MYO1D: variants seen among roughly 807,000 people sequenced by gnomAD.
MYO1D encodes myosin ID, also known as unconventional myosin-Id.
In MYO1D, 83 loss-of-function variants were observed where a neutral mutation model predicts 122.0. That is an observed-to-expected ratio of 0.68 (90% CI 0.57 to 0.82). The LOEUF is 0.82. Among genes scored for constraint, MYO1D ranks in the 40% least tolerant of loss-of-function variants. The probability of loss-of-function intolerance (pLI) is 0.00; values close to 1 mark genes in which losing one functional copy is unlikely to be tolerated. For missense variants in MYO1D, 1,157 were observed against 1,269.5 expected (o/e 0.91, Z 1.35); for synonymous variants, 464 against 446.9 (o/e 1.04, Z -0.48).
At chr17:32,532,409 T>C (rs1910532138) in intron 21 of MYO1D, among the ~76,000 whole-genome samples, 1 of 151,576 alleles carries the variant, frequency 6.6e-6, no homozygotes, top group Non-Finnish European at 1.5e-5. Context: ...TTAAAAGAGG[T>C]GCCCTTAGTC....
intron 1 of MYO1D, among the ~76,000 whole-genome samples, chr17:32,835,154 T>C (rs2090810366): frequency 6.6e-6 from 1 of 151,988 alleles, no homozygotes; most frequent in South Asian, 2.1e-4. Context: ...TGGTTTTGCT[T>C]TCTTTTGGGG....
chr17:32,764,184 T>G (rs140538484), intron 8 of MYO1D, among the ~76,000 whole-genome samples: 1 of 152,088 alleles, frequency 6.6e-6, no homozygotes, highest in Admixed American at 6.5e-5. Context: ...AAGACAAATA[T>G]TGTGTGATCT....
intron 20 of MYO1D, chr17:32,632,407 C>T (rs987752563): frequency 3.9e-5 from 6 of 152,012 alleles, no homozygotes; most frequent in Non-Finnish European, 8.8e-5. Context: ...TAGGCATATC[C>T]AAAGCTTTGG....
intron 16 of MYO1D, 82 bp from the exon 17 acceptor site, chr17:32,659,420 C>T: frequency 1.4e-6 from 2 of 1,402,232 alleles, no homozygotes; most frequent in Non-Finnish European, 2.0e-6. Flanking sequence ...AGCTCCTCTA[C>T]TTACAAACTC....
At chr17:32,851,676 G>A (rs1004974704) in intron 1 of MYO1D, among the ~76,000 whole-genome samples, 3 of 152,198 alleles carry the variant, frequency 2.0e-5, no homozygotes, top group Non-Finnish European at 4.4e-5. Context: ...ATGGACCCAG[G>A]GGGGTGGTTT....
At chr17:32,509,651 C>T (rs115053707) in intron 21 of MYO1D, among the ~76,000 whole-genome samples, 1,788 of 151,560 alleles carry the variant, frequency 0.012, 37 homozygotes, top group African/African-American at 0.04. Flanking sequence ...GTGGTGCGAT[C>T]GATTCCGGCT....
intron 7 of MYO1D, among the ~76,000 whole-genome samples, chr17:32,766,147 A>G (rs1298035188): frequency 6.6e-6 from 1 of 152,094 alleles, no homozygotes; most frequent in African/African-American, 2.4e-5. Flanking sequence ...CAAACTTTCC[A>G]AAGTGCTGGG....
intron 19 of MYO1D, among the ~76,000 whole-genome samples, chr17:32,650,669 C>T (rs1355955805): frequency 1.3e-5 from 2 of 151,972 alleles, no homozygotes; most frequent in Non-Finnish European, 2.9e-5. Context: ...AAAGACTAAT[C>T]TGCTGTTAAT....
At chr17:32,617,475 T>A (rs2087787116) in intron 20 of MYO1D, among the ~76,000 whole-genome samples, 1 of 152,128 alleles carries the variant, frequency 6.6e-6, no homozygotes, top group African/African-American at 2.4e-5. Context: ...TGTTGTCTGT[T>A]GTTGGCCTGG....
Position 32,494,830 on chromosome 17 carries a change from G to T in MYO1D, c.2950C>A (p.Arg984=). 1 of 1,613,908 alleles carries T rather than the reference G, an allele frequency of 6.2e-7. No individual in the cohort carries two copies. Among genetic ancestry groups the T allele is most frequent in the Non-Finnish European group, 8.5e-7 (1 of 1,179,904 alleles). Residue 984 remains arginine, a synonymous_variant, in exon 22 of 22, where the codon CGG becomes AGG. Transcript: ENST00000318217. Reference sequence around the variant, plus strand: ...AAGTCGGGCTGGGGCTGGTTGAGCCGCGTCTCCACGGAGACGGTGCACTTC... The same window carrying T: ...AAGTCGGGCTGGGGCTGGTTGAGCCTCGTCTCCACGGAGACGGTGCACTTC... ...GKKCTVSVET[R]LNQPQPDFTK...
At chr17:32,673,090 C>CTTT (rs60912187) in intron 16 of MYO1D, among the ~76,000 whole-genome samples, 1,209 of 28,632 alleles carry the variant, frequency 0.042, 564 homozygotes, top group Non-Finnish European at 0.077. Context: ...AAACATGCTA[C>CTTT]TTTTTTTTTT....
intron 14 of MYO1D, among the ~76,000 whole-genome samples, chr17:32,737,449 C>T (rs1446526626): frequency 6.6e-6 from 1 of 151,940 alleles, no homozygotes; most frequent in Non-Finnish European, 1.5e-5. Context: ...CAACCTCTGC[C>T]TCCCAGGCTC....
rs188232011 is a variant in MYO1D, at chr17:32,697,475, T to A, written c.2121+14513A>T. Among the ~76,000 whole-genome samples the A allele has an allele frequency of 6.8e-3, 1,034 of 152,308 alleles. 12 individuals are homozygous for A. The highest frequency in any genetic ancestry group is 0.01 in the Non-Finnish European group (694 of 68,018). On this transcript the variant is annotated intron_variant, in intron 16 of 21. Coordinates refer to ENST00000318217, the MANE Select transcript of MYO1D (RefSeq NM_015194.3). ...CAATAAAGCAATGAATGGACTAGCA[T>A]TGGGGGCAACCTCTTTCATTGCCTA...
At chr17:32,653,257 C>T (rs2088422307) in intron 19 of MYO1D, among the ~76,000 whole-genome samples, 1 of 151,604 alleles carries the variant, frequency 6.6e-6, no homozygotes, top group South Asian at 2.1e-4. Context: ...AAATACAAAT[C>T]CCTGACTTTA....
intron 19 of MYO1D, among the ~76,000 whole-genome samples, chr17:32,648,361 A>C (rs2150946624): frequency 6.6e-6 from 1 of 152,334 alleles, no homozygotes; most frequent in East Asian, 1.9e-4. Flanking sequence ...CAAAGCTCCC[A>C]AAACTCTTGT....
chr17:32,682,661 C>A (rs1046181593), intron 16 of MYO1D, among the ~76,000 whole-genome samples: 1 of 115,638 alleles, frequency 8.6e-6, no homozygotes, highest in Non-Finnish European at 1.7e-5. Context: ...GTAACCCGAC[C>A]TTTCTCTCTG....
chr17:32,506,121 G>C (rs777435495), intron 21 of MYO1D, among the ~76,000 whole-genome samples: 4 of 152,230 alleles, frequency 2.6e-5, no homozygotes, highest in Non-Finnish European at 5.9e-5. Flanking sequence ...GGCCTATCTT[G>C]GCTGTCTTGT....
intron 1 of MYO1D, among the ~76,000 whole-genome samples, chr17:32,803,038 A>G (rs2090473519): frequency 6.6e-6 from 1 of 152,224 alleles, no homozygotes; most frequent in Non-Finnish European, 1.5e-5. Context: ...CAAACAGGGC[A>G]TGGTGAGGGC....
rs898019651 is a variant in MYO1D, at chr17:32,705,267, C to CT, written c.2121+6720dup. Among the ~76,000 whole-genome samples the CT allele has an allele frequency of 8.1e-4, 120 of 149,004 alleles. 1 individual carries two copies. Among genetic ancestry groups the CT allele is most frequent in the South Asian group, 1.9e-3 (9 of 4,670 alleles). ...TGCACTAAACAGATTATCTGTAATT[C>CT]TTTTTTTTTTGAGATGGAGTCTCAC... On this transcript the variant is annotated intron_variant, in intron 16 of 21. Transcript: ENST00000318217.
Sources: gnomAD v4.1 joint callset for allele counts (sites outside exome capture counted in the v4.1 genomes callset) on GRCh38, gnomAD v4.1.1 for gene constraint, MANE v1.5 for transcripts, NCBI Gene and HGNC (gene_info 2026-07-23, HGNC 2026-07-21) for gene names.